The following ARMC2 variants were observed in gnomAD, a reference collection of about 807,000 sequenced individuals.
ARMC2 encodes armadillo repeat-containing protein 2.
In ARMC2, 67 loss-of-function variants were observed where a neutral mutation model predicts 90.3. The ratio of observed to expected loss-of-function variants is 0.74; its 90% CI spans 0.61 to 0.91. ARMC2 has a LOEUF of 0.91. Among genes scored for constraint, ARMC2 ranks in the 40% least tolerant of loss-of-function variants. The pLI, the probability that ARMC2 is intolerant of heterozygous loss-of-function variation, is 0.00. For synonymous variants in ARMC2, 393 were observed against 393.0 expected (o/e 1.00, Z 0.00); for missense variants, 920 against 1,030.9 (o/e 0.89, Z 1.47).
chr6:108,992,734 A>C, the ARMC2 span: 7 of 1,142,680 alleles, frequency 6.1e-6, no homozygotes, highest in Non-Finnish European at 1.3e-6. Context: ...TTGTATTTTA[A>C]GTCAGACTGA....
chr6:108,877,495 G>A (rs1299600615), intron 5 of ARMC2, among the ~76,000 whole-genome samples: 2 of 152,188 alleles, frequency 1.3e-5, no homozygotes, highest in African/African-American at 2.4e-5. Flanking sequence ...GGAAGAGAAC[G>A]ACTTCAAATT....
At chr6:108,967,457 T>C (rs1015093122) in intron 17 of ARMC2, among the ~76,000 whole-genome samples, 2 of 152,182 alleles carry the variant, frequency 1.3e-5, no homozygotes, top group African/African-American at 2.4e-5. Context: ...GCAGGGGCAG[T>C]GTACCTGGAA....
chr6:108,925,675 A>G (rs1009508039), intron 10 of ARMC2, among the ~76,000 whole-genome samples: 7 of 152,312 alleles, frequency 4.6e-5, no homozygotes, highest in African/African-American at 1.4e-4. Context: ...GCAGAAAGGC[A>G]GGATTCTGGG....
At chr6:108,921,508 AC>A (rs141757289) in intron 10 of ARMC2, among the ~76,000 whole-genome samples, 38,869 of 152,144 alleles carry the variant, frequency 0.26, 6,371 homozygotes, top group Non-Finnish European at 0.35. Flanking sequence ...AAAAGCTTAG[AC>A]ATGCATGTTA....
chr6:108,930,367 C>A (rs1056812092), intron 11 of ARMC2, among the ~76,000 whole-genome samples: 20 of 151,520 alleles, frequency 1.3e-4, no homozygotes, highest in African/African-American at 3.9e-4. Flanking sequence ...TATTGTAATT[C>A]TTTCCCCTGT....
chr6:108,853,068 CTG>C (rs1774167458), intron 1 of ARMC2, among the ~76,000 whole-genome samples: 1 of 152,096 alleles, frequency 6.6e-6, no homozygotes, highest in Non-Finnish European at 1.5e-5. Flanking sequence ...ATTGTAGAGA[CTG>C]TGCTTAAATT....
At chr6:108,877,222 G>C (rs923858979) in intron 5 of ARMC2, among the ~76,000 whole-genome samples, 8 of 152,182 alleles carry the variant, frequency 5.3e-5, no homozygotes, top group Admixed American at 5.2e-4. Flanking sequence ...AATTCCATGG[G>C]CCATTTTAAG....
At chr6:109,044,311 C>CAAAAAAAAAAAAAAA in the ARMC2 span, among the ~76,000 whole-genome samples, 1 of 28,472 alleles carries the variant, frequency 3.5e-5, no homozygotes. Context: ...GAACTTGCCT[C>CAAAAAAAAAAAAAAA]AAAAAAAAAA....
the ARMC2 span, among the ~76,000 whole-genome samples, chr6:109,024,966 C>A: frequency 1.3e-5 from 2 of 152,016 alleles, no homozygotes; most frequent in South Asian, 2.1e-4. Context: ...TCCTCAGAAA[C>A]CAAAACCCAC....
intron 12 of ARMC2, among the ~76,000 whole-genome samples, chr6:108,939,537 G>A (rs1407157258): frequency 6.6e-6 from 1 of 152,026 alleles, no homozygotes; most frequent in Non-Finnish European, 1.5e-5. Context: ...TTCACCTTCC[G>A]CCATGATTGA....
chr6:108,906,378 T>C (rs1772708891), intron 8 of ARMC2, among the ~76,000 whole-genome samples: 1 of 152,168 alleles, frequency 6.6e-6, no homozygotes, highest in Non-Finnish European at 1.5e-5. Flanking sequence ...TTTTCTTACT[T>C]TTCTTTAATT....
chr6:109,000,639 T>G, the ARMC2 span: 1 of 1,609,956 alleles, frequency 6.2e-7, no homozygotes, highest in South Asian at 1.1e-5. Flanking sequence ...TACATGCAGG[T>G]TCACTAAGTA....
the ARMC2 span, among the ~76,000 whole-genome samples, chr6:108,995,468 A>G: frequency 1.3e-5 from 2 of 152,200 alleles, no homozygotes; most frequent in Non-Finnish European, 2.9e-5. Flanking sequence ...GGATGACTAG[A>G]GCAGTGTCAC....
the ARMC2 span, among the ~76,000 whole-genome samples, chr6:109,043,841 T>C: frequency 6.6e-6 from 1 of 152,290 alleles, no homozygotes; most frequent in East Asian, 1.9e-4. Context: ...ACAAACTGAT[T>C]CAAAATTTTA....
chr6:108,957,335 C>G (rs892105538), intron 13 of ARMC2, among the ~76,000 whole-genome samples: 11 of 152,220 alleles, frequency 7.2e-5, no homozygotes, highest in Non-Finnish European at 7.3e-5. Context: ...CTACACTGGT[C>G]TCTGTGGATT....
Position 108,962,081 on chromosome 6 carries a change from T to C in ARMC2, c.2106T>C (p.Asn702=). The C allele has an allele frequency of 6.2e-7, 1 of 1,613,454 alleles. No homozygotes were observed. The highest frequency in any genetic ancestry group is 2.2e-5 in the East Asian group (1 of 44,884). The change falls in exon 15 of 18, where the codon AAT becomes AAC. Residue 702 remains asparagine (N), a synonymous_variant. Coordinates refer to ENST00000392644, the MANE Select transcript of ARMC2 (RefSeq NM_032131.6). ...GILEAVRVFG[N]LSQDHDVCDF... is the part of the protein sequence containing the mutation. The stretch of plus-strand genomic sequence containing the variant: ...TGGAGGCTGTGCGTGTTTTCGGAAA[T>C]CTCTCCCAGGACCATGATGTCTGCG...
chr6:109,017,105 C>T, the ARMC2 span, among the ~76,000 whole-genome samples: 4 of 152,018 alleles, frequency 2.6e-5, no homozygotes, highest in Non-Finnish European at 2.9e-5. Flanking sequence ...AGGTGAATTT[C>T]GTCTATAATT....
At chr6:108,905,874 AG>A (rs920034058) in intron 8 of ARMC2, among the ~76,000 whole-genome samples, 6 of 152,224 alleles carry the variant, frequency 3.9e-5, no homozygotes, top group Non-Finnish European at 8.8e-5. Flanking sequence ...GCAGTTCAGA[AG>A]GGACCTTCAA....
intron 3 of ARMC2, among the ~76,000 whole-genome samples, chr6:108,866,246 C>G (rs1775805665): frequency 1.3e-5 from 2 of 152,134 alleles, no homozygotes; most frequent in African/African-American, 4.8e-5. Flanking sequence ...CAGAAAACAC[C>G]TATTTTCCTG....
Sources: allele counts gnomAD v4.1 joint callset (sites outside exome capture counted in the v4.1 genomes callset), GRCh38; gene constraint gnomAD v4.1.1; transcripts MANE v1.5; gene names NCBI Gene and HGNC (gene_info 2026-07-23, HGNC 2026-07-21).